CSNK1D: variants seen among roughly 807,000 people sequenced by gnomAD.
CSNK1D encodes casein kinase 1 delta, also known as casein kinase I isoform delta.
Under a neutral mutation model 46.6 loss-of-function variants are expected in CSNK1D, and 16 were observed. That is an observed-to-expected ratio of 0.34 (90% CI 0.23 to 0.52). CSNK1D has a LOEUF of 0.52. Ranked by LOEUF, CSNK1D falls within the 20% of genes least tolerant of loss-of-function variation. CSNK1D has a pLI of 0.95. For missense variants in CSNK1D, 398 were observed against 578.4 expected (o/e 0.69, Z 3.20); for synonymous variants, 276 against 228.2 (o/e 1.21, Z -1.89).
At chr17:82,259,089 T>G (rs2051260321) in intron 2 of CSNK1D, among the ~76,000 whole-genome samples, 1 of 152,208 alleles carries the variant, frequency 6.6e-6, no homozygotes, top group Non-Finnish European at 1.5e-5. Flanking sequence ...ACCTGGCATC[T>G]TCCTTTCTCT....
chr17:82,244,202 G>A lies in CSNK1D; in HGVS notation c.*579C>T. The stretch of plus-strand genomic sequence containing the variant: ...TCTCCAAAGCGGACAATAAAACACT[G>A]CAAAACAAACACAGCACACACCCTT... On this transcript the variant is annotated 3_prime_UTR_variant, in exon 9 of 9. Transcript: ENST00000314028. 1 of 1,023,058 alleles carries A rather than the reference G, an allele frequency of 9.8e-7. No individual in the cohort carries two copies. Among genetic ancestry groups the A allele is most frequent in the South Asian group, 3.6e-5 (1 of 27,702 alleles). The allele number at this position is 1,023,058 out of a possible 1,614,324, so 63.4% of individuals were successfully genotyped here.
chr17:82,250,008 G>T lies in CSNK1D; in HGVS notation c.886-406C>A. On this transcript the variant is annotated intron_variant, in intron 6 of 8. Coordinates refer to ENST00000314028, the MANE Select transcript of CSNK1D (RefSeq NM_001893.6). The surrounding 1 kb of genome is among the most constrained non-coding windows in gnomAD (Gnocchi z 4.6). The stretch of plus-strand genomic sequence containing the variant: ...GGTGACAGCTGGGGAGGAAAGCGGG[G>T]TGGGGATGAGAGCGTTTGGTCGGAC... 8.1e-7 allele frequency: 1 copy of T among 1,236,824 alleles called. No individual in the cohort carries two copies. Among genetic ancestry groups the T allele is most frequent in the Non-Finnish European group, 1.0e-6 (1 of 963,514 alleles). The allele number at this position is 1,236,824 out of a possible 1,614,324, so 76.6% of individuals were successfully genotyped here.
At chr17:82,240,988 G>A (rs887689530), downstream of CSNK1D, among the ~76,000 whole-genome samples, 1 of 152,212 alleles carries the variant, frequency 6.6e-6, no homozygotes, top group Non-Finnish European at 1.5e-5. Flanking sequence ...GGGGGCAGAG[G>A]TCTGGTGCGT....
intron 1 of CSNK1D, among the ~76,000 whole-genome samples, chr17:82,271,872 G>A (rs1023303694): frequency 2.6e-5 from 4 of 152,194 alleles, no homozygotes; most frequent in African/African-American, 9.7e-5. Flanking sequence ...TAGCTGACAG[G>A]TGCCCCAGTT....
intron 1 of CSNK1D, among the ~76,000 whole-genome samples, chr17:82,269,474 A>T (rs530317772): frequency 1.1e-4 from 16 of 152,284 alleles, no homozygotes; most frequent in Admixed American, 5.2e-4. Context: ...GGCACCCTGC[A>T]GGCTGCCTCT....
In CSNK1D at chr17:82,243,967, A is replaced by T; in HGVS notation, c.*814T>A. The T allele has an allele frequency of 1.0e-6, 1 of 985,696 alleles. No homozygotes were observed. The highest frequency in any genetic ancestry group is 1.1e-4 in the East Asian group (1 of 8,828). 61.1% of individuals were successfully genotyped at this position (985,696 alleles called of 1,614,324 possible). A position where few individuals can be genotyped will look rare whatever the true frequency, so the allele number is the denominator to read the frequency against. ...CTGCCTGCCCACCTCCTGGGGAAGA[A>T]GCGCGCAGTGCTTTGCCTGGTAACA... On this transcript the variant is annotated 3_prime_UTR_variant, in exon 9 of 9. Coordinates refer to ENST00000314028, the MANE Select transcript of CSNK1D (RefSeq NM_001893.6).
intron 2 of CSNK1D, among the ~76,000 whole-genome samples, chr17:82,262,851 ACAT>A (rs2051375117): frequency 6.6e-6 from 1 of 152,238 alleles, no homozygotes; most frequent in South Asian, 2.1e-4. Flanking sequence ...GCCTTCTCGG[ACAT>A]CATTTGTTTT....
chr17:82,257,500 G>A (rs113809261), intron 2 of CSNK1D, among the ~76,000 whole-genome samples: 7 of 152,134 alleles, frequency 4.6e-5, no homozygotes, highest in African/African-American at 1.2e-4. Context: ...GGCCTGATTC[G>A]CCCTCACACC....
chr17:82,264,373 C>T (rs1215873180), intron 2 of CSNK1D, among the ~76,000 whole-genome samples: 1 of 152,214 alleles, frequency 6.6e-6, no homozygotes, highest in Non-Finnish European at 1.5e-5. Context: ...GCTCTGAAAT[C>T]CCCGCAGAGA....
chr17:82,273,673 C>A lies in CSNK1D; in HGVS notation c.-292G>T. 1.9e-6 allele frequency: 1 copy of A among 514,210 alleles called. No individual in the cohort carries two copies. The highest frequency in any genetic ancestry group is 2.8e-5 in the South Asian group (1 of 35,314). 31.9% of individuals were successfully genotyped at this position (514,210 alleles called of 1,614,324 possible). ...CCGGGCCTAAATCCCCTTTCAGCTG[C>A]CTAAAGGAGCCGCCGCCATCGCGCT... On this transcript the variant is annotated 5_prime_UTR_variant, in exon 1 of 9. Coordinates refer to ENST00000314028, the MANE Select transcript of CSNK1D (RefSeq NM_001893.6). This position sits in a 1 kb window ranked among gnomAD's most constrained non-coding sequence, Gnocchi z 5.1.
chr17:82,246,842 T>C, intron 8 of CSNK1D: 2 of 986,070 alleles, frequency 2.0e-6, no homozygotes, highest in South Asian at 4.7e-5. Flanking sequence ...TGGCCGGGGA[T>C]GAGTCACTGC....
chr17:82,243,599 A>G lies in CSNK1D; in HGVS notation c.*1182T>C. 1.0e-6 allele frequency: 1 copy of G among 985,468 alleles called. No individual in the cohort carries two copies. Among genetic ancestry groups the G allele is most frequent in the Non-Finnish European group, 1.2e-6 (1 of 829,940 alleles). 61.0% of individuals were successfully genotyped at this position (985,468 alleles called of 1,614,324 possible). A position where few individuals can be genotyped will look rare whatever the true frequency, so the allele number is the denominator to read the frequency against. On this transcript the variant is annotated 3_prime_UTR_variant, in exon 9 of 9. Transcript: ENST00000314028. Reference sequence around the variant, plus strand: ...CGCAGACTCTACTTTCTGGCCGTGAAGGTTCTGGGTCCGGTTGGGAGAGTC... The same window carrying G: ...CGCAGACTCTACTTTCTGGCCGTGAGGGTTCTGGGTCCGGTTGGGAGAGTC...
chr17:82,244,499 GA>G lies in CSNK1D; in HGVS notation c.*281del. 7.1e-7 allele frequency: 1 copy of G among 1,407,432 alleles called. No homozygotes were observed. The highest frequency in any genetic ancestry group is 9.3e-7 in the Non-Finnish European group (1 of 1,078,324). 87.2% of individuals were successfully genotyped at this position (1,407,432 alleles called of 1,614,324 possible). ...ACCACTGGAGGGAGCTGAGGCCCTG[GA>G]AAAGGAGTCTGATTCTCTGCAATTC... On this transcript the variant is annotated 3_prime_UTR_variant, in exon 9 of 9. Coordinates refer to ENST00000314028, the MANE Select transcript of CSNK1D (RefSeq NM_001893.6).
At chr17:82,254,305 G>A (rs867272399) in intron 3 of CSNK1D, 1 of 285,960 alleles carries the variant, frequency 3.5e-6, no homozygotes, top group Admixed American at 5.9e-5. Flanking sequence ...CCGGAGCCTC[G>A]AGAAGCCAGT....
chr17:82,271,027 G>A (rs1877365099), intron 1 of CSNK1D, among the ~76,000 whole-genome samples: 1 of 152,228 alleles, frequency 6.6e-6, no homozygotes, highest in African/African-American at 2.4e-5. Flanking sequence ...AAAGCACAAA[G>A]TTGTTTGACA....
rs1288803623 is a variant in CSNK1D, at chr17:82,248,619, T to C, written c.1197+256A>G. On this transcript the variant is annotated intron_variant, in intron 8 of 8. Coordinates refer to ENST00000314028, the MANE Select transcript of CSNK1D (RefSeq NM_001893.6). The surrounding 1 kb of genome is among the most constrained non-coding windows in gnomAD (Gnocchi z 4.1). ...AACAGCAGGAGAAAGCCCCCACGGT[T>C]TGCTGGCCTCAGGGACCTGAGACCT... The C allele has an allele frequency of 5.2e-6, 7 of 1,344,652 alleles. No individual in the cohort carries two copies. In the South Asian group the frequency reaches 6.4e-5, roughly 12 times the overall value. 83.3% of individuals were successfully genotyped at this position (1,344,652 alleles called of 1,614,324 possible).
At chr17:82,247,649 G>A (rs2050884585) in intron 8 of CSNK1D, 5 of 985,428 alleles carry the variant, frequency 5.1e-6, no homozygotes, top group Non-Finnish European at 6.0e-6. Context: ...TGATGCGCAA[G>A]TGCCAGGCTC....
chr17:82,265,248 G>C lies in CSNK1D; in HGVS notation c.187+438C>G, dbSNP rs937315221. On this transcript the variant is annotated intron_variant, in intron 2 of 8. Coordinates refer to ENST00000314028, the MANE Select transcript of CSNK1D (RefSeq NM_001893.6). ...GGCTGGAGTGCAGTGGCGTGATCTC[G>C]GCTCACCGCAACCTCTGCCTCCCAG... is the stretch of plus-strand genomic sequence containing the variant. 1.7e-4 allele frequency: 47 copies of C among 282,330 alleles called. No homozygotes were observed. The Admixed American group carries it at 2.2e-3, about 13-fold the overall frequency. 17.5% of individuals were successfully genotyped at this position (282,330 alleles called of 1,614,324 possible). A position where few individuals can be genotyped will look rare whatever the true frequency, so the allele number is the denominator to read the frequency against.
rs1158741247 is a variant in CSNK1D, at chr17:82,251,094, G to C, written c.885+285C>G. The C allele has an allele frequency of 1.1e-5, 5 of 449,666 alleles. No homozygotes were observed. The highest frequency in any genetic ancestry group is 2.1e-5 in the Non-Finnish European group (5 of 241,060). 27.9% of individuals were successfully genotyped at this position (449,666 alleles called of 1,614,324 possible). Reference sequence around the variant, plus strand: ...CCTCTGCCCCCAGGGCATGCTCTGGGCCCTAGCTCCGCTTGGTGACAGGGA... The same window carrying C: ...CCTCTGCCCCCAGGGCATGCTCTGGCCCCTAGCTCCGCTTGGTGACAGGGA... On this transcript the variant is annotated intron_variant, in intron 6 of 8. Transcript: ENST00000314028. This position sits in a 1 kb window ranked among gnomAD's most constrained non-coding sequence, Gnocchi z 4.5.
Sources: gnomAD v4.1 joint callset for allele counts (sites outside exome capture counted in the v4.1 genomes callset) on GRCh38, gnomAD v4.1.1 for gene constraint, Gnocchi (gnomAD v3.1) non-coding constraint, MANE v1.5 for transcripts, NCBI Gene and HGNC (gene_info 2026-07-23, HGNC 2026-07-21) for gene names.